Variants in HDAC9 observed in about 807,000 individuals in gnomAD.
HDAC9 encodes MEF-2 interacting transcription repressor (MITR) protein.
A neutral mutation model predicts 139.4 loss-of-function variants in HDAC9; 41 were observed. The observed-to-expected ratio is 0.29, with a 90% CI of 0.23 to 0.38. The LOEUF is 0.38. HDAC9 is among the 10% of genes least tolerant of loss of function. The pLI, the probability that HDAC9 is intolerant of heterozygous loss-of-function variation, is 1.00. For synonymous variants in HDAC9, 517 were observed against 476.2 expected (o/e 1.09, Z -1.12); for missense variants, 1,147 against 1,297.0 (o/e 0.88, Z 1.78).
chr7:18,517,494 C>T (rs1237721160), intron 2 of HDAC9, among the ~76,000 whole-genome samples: 1 of 152,148 alleles, frequency 6.6e-6, no homozygotes, highest in Non-Finnish European at 1.5e-5. Context: ...CATTTCTCCT[C>T]TTTTACAGTC....
At chr7:18,618,182 T>C (rs1488657676) in intron 6 of HDAC9, among the ~76,000 whole-genome samples, 1 of 152,182 alleles carries the variant, frequency 6.6e-6, no homozygotes, top group East Asian at 1.9e-4. Context: ...AGTGATTTAC[T>C]ATACTTATTG....
At chr7:18,648,747 T>C (rs367679376) in intron 11 of HDAC9, 64 bp downstream of exon 11, 1 of 1,317,120 alleles carries the variant, frequency 7.6e-7, no homozygotes, top group Non-Finnish European at 1.1e-6. Context: ...ATCTCTTCAC[T>C]GATATGGGTG....
At chr7:18,439,020 T>A (rs978664932) in intron 1 of HDAC9, among the ~76,000 whole-genome samples, 2 of 152,216 alleles carry the variant, frequency 1.3e-5, no homozygotes, top group Non-Finnish European at 2.9e-5. Flanking sequence ...ATCCTTAGTA[T>A]TTGTACTTCC....
At chr7:18,605,719 C>T (rs528529526) in intron 6 of HDAC9, among the ~76,000 whole-genome samples, 9 of 152,032 alleles carry the variant, frequency 5.9e-5, no homozygotes, top group East Asian at 5.8e-4. Flanking sequence ...CTTGTTCTGT[C>T]GCCCAGGCTG....
intron 19 of HDAC9, 61 bp from the exon 20 acceptor site, chr7:18,835,406 G>T: frequency 6.6e-7 from 1 of 1,519,746 alleles, no homozygotes; most frequent in Non-Finnish European, 8.9e-7. Flanking sequence ...AAATCAGAAA[G>T]GTTGTCTCCA....
At chr7:18,310,784 T>C (rs938894509) in intron 1 of HDAC9, among the ~76,000 whole-genome samples, 1 of 149,642 alleles carries the variant, frequency 6.7e-6, no homozygotes, top group Non-Finnish European at 1.5e-5. Context: ...TTTCTACAGA[T>C]TTTTATCAAC....
chr7:18,959,779 C>G (rs531567044), intron 24 of HDAC9, among the ~76,000 whole-genome samples: 2 of 152,142 alleles, frequency 1.3e-5, no homozygotes, highest in Non-Finnish European at 2.9e-5. Flanking sequence ...GCCCCACTTT[C>G]ACTTTTCCCC....
chr7:18,873,609 AC>A lies in HDAC9; in HGVS notation c.2685-867del, dbSNP rs532563123. Among the ~76,000 whole-genome samples, 11 of 152,294 alleles carry A rather than the reference AC, an allele frequency of 7.2e-5. No individual in the cohort carries two copies. In the South Asian group the frequency reaches 1.9e-3, roughly 26 times the overall value. On this transcript the variant is annotated intron_variant, in intron 21 of 25. Transcript: ENST00000686413. Reference sequence around the variant, plus strand: ...ATATTTGTTTTAGTTATATCTCACAACCACACAAGAGTGATTGTACTACTTT... The same window carrying A: ...ATATTTGTTTTAGTTATATCTCACAACACACAAGAGTGATTGTACTACTTT...
At chr7:18,712,236 A>G in intron 12 of HDAC9, among the ~76,000 whole-genome samples, 1 of 152,126 alleles carries the variant, frequency 6.6e-6, no homozygotes, top group South Asian at 2.1e-4. Context: ...TAAAATCCCT[A>G]AAGATGTTGA....
intron 14 of HDAC9, among the ~76,000 whole-genome samples, chr7:18,759,818 T>C (rs79718116): frequency 0.072 from 11,016 of 152,106 alleles, 600 homozygotes; most frequent in East Asian, 0.23. Context: ...ATCAGTGGGA[T>C]TGTGGGTGAA....
intron 2 of HDAC9, among the ~76,000 whole-genome samples, chr7:18,255,155 G>T (rs994503418): frequency 2.6e-5 from 4 of 152,242 alleles, no homozygotes; most frequent in Admixed American, 6.5e-5. Context: ...GTAGTAGGGA[G>T]CCCAGTAGGT....
intron 12 of HDAC9, among the ~76,000 whole-genome samples, chr7:18,702,105 GAGC>G (rs1783538132): frequency 6.7e-6 from 1 of 148,496 alleles, no homozygotes. Context: ...AGCAGGCTGG[GAGC>G]GTGGCTGTAG....
At chr7:18,523,941 T>G (rs1470673611) in intron 2 of HDAC9, among the ~76,000 whole-genome samples, 1 of 143,038 alleles carries the variant, frequency 7.0e-6, no homozygotes, top group Non-Finnish European at 1.5e-5. Context: ...CTTGTCTTGC[T>G]ATTCACCTGG....
At chr7:18,136,938 A>G (rs1785466436) in intron 1 of HDAC9, among the ~76,000 whole-genome samples, 5 of 150,832 alleles carry the variant, frequency 3.3e-5, no homozygotes, top group Admixed American at 2.6e-4. Context: ...ATCCATGAGC[A>G]TGGAATGTTC....
At chr7:18,755,330 A>G (rs921151641) in intron 14 of HDAC9, among the ~76,000 whole-genome samples, 1 of 152,200 alleles carries the variant, frequency 6.6e-6, no homozygotes, top group Admixed American at 6.6e-5. Flanking sequence ...TAATGTGGAA[A>G]ACAACCAACA....
intron 12 of HDAC9, among the ~76,000 whole-genome samples, chr7:18,680,312 G>T (rs1401341798): frequency 6.6e-6 from 1 of 151,934 alleles, no homozygotes; most frequent in Non-Finnish European, 1.5e-5. Context: ...GCGTAATGAG[G>T]AGGAAGAAAT....
At chr7:18,839,330 C>T (rs1303046998) in intron 21 of HDAC9, among the ~76,000 whole-genome samples, 1 of 152,012 alleles carries the variant, frequency 6.6e-6, no homozygotes, top group Non-Finnish European at 1.5e-5. Flanking sequence ...TGTGACTCTA[C>T]AATCTATGCT....
At chr7:18,300,680 A>G (rs1209805981) in intron 1 of HDAC9, among the ~76,000 whole-genome samples, 2 of 152,212 alleles carry the variant, frequency 1.3e-5, no homozygotes, top group Admixed American at 6.5e-5. Context: ...ATGTAACATT[A>G]AAGTTCTTGA....
At chr7:18,382,474 A>T (rs1785527560) in intron 1 of HDAC9, among the ~76,000 whole-genome samples, 1 of 152,254 alleles carries the variant, frequency 6.6e-6, no homozygotes, top group Non-Finnish European at 1.5e-5. Flanking sequence ...TCGTTCATTA[A>T]GTATTGAGTA....
Sources: allele counts gnomAD v4.1 joint callset (sites outside exome capture counted in the v4.1 genomes callset), GRCh38; gene constraint gnomAD v4.1.1; transcripts MANE v1.5; gene names NCBI Gene and HGNC (gene_info 2026-07-23, HGNC 2026-07-21).